SPDEF: variants seen among roughly 807,000 people sequenced by gnomAD.
SPDEF encodes the protein SAM pointed domain containing ETS transcription factor, also known as SAM pointed domain-containing Ets transcription factor.
A neutral mutation model predicts 36.0 loss-of-function variants in SPDEF; 12 were observed. That is an observed-to-expected ratio of 0.33 (90% CI 0.21 to 0.54). The LOEUF is 0.54. SPDEF is among the 20% of genes least tolerant of loss of function. SPDEF has a pLI of 0.93. For missense variants in SPDEF, 388 were observed against 456.9 expected (o/e 0.85, Z 1.37); for synonymous variants, 205 against 193.0 (o/e 1.06, Z -0.51).
rs1000839538 is a variant in SPDEF at position 34,555,329 on chromosome 6, CCA to C, written c.-30+598_-30+599del. On this transcript the variant is annotated intron_variant, in intron 1 of 5. Coordinates refer to ENST00000374037, the MANE Select transcript of SPDEF (RefSeq NM_012391.3). The surrounding 1 kb of genome is among the most constrained non-coding windows in gnomAD (Gnocchi z 5.2). ...CAGGACCCAAGGCTCTCAGCTTCCC[CCA>C]GTGTCCAAGGGCTCAGAGTGTGTGC... 2.0e-5 allele frequency among the ~76,000 whole-genome samples: 3 copies of C among 152,120 alleles called. No individual in the cohort carries two copies. The highest frequency in any genetic ancestry group is 4.4e-5 in the Non-Finnish European group (3 of 68,020).
At chr6:34,549,101 G>A (rs1056303891) in intron 1 of SPDEF, among the ~76,000 whole-genome samples, 2 of 152,214 alleles carry the variant, frequency 1.3e-5, no homozygotes, top group Admixed American at 6.5e-5. Flanking sequence ...CCAGTCCCAC[G>A]GGCTGCCGTC....
Position 34,544,084 on chromosome 6 carries a change from G to A in SPDEF, c.372C>T (p.Ser124=). ...LEEHSLEQVQ[S]MVVGEVLKDI... The stretch of plus-strand genomic sequence containing the variant: ...CCTTGAGCACTTCGCCCACCACCAT[G>A]GACTGCACCTGCTCCAGCGAGTGCT... The change falls in exon 2 of 6, where the codon TCC becomes TCT. Residue 124 remains serine, a synonymous_variant. Transcript: ENST00000374037. The surrounding 1 kb of genome is among the most constrained non-coding windows in gnomAD (Gnocchi z 4.4). 2 of 1,613,580 alleles carry A rather than the reference G, an allele frequency of 1.2e-6. No individual in the cohort carries two copies. Among genetic ancestry groups the A allele is most frequent in the Non-Finnish European group, 8.5e-7 (1 of 1,179,840 alleles).
rs1768091385 is a variant in SPDEF, at chr6:34,552,841, C to T, written c.-30+3088G>A. ...AGGGGTTATCAGGACCGGTTCCCAC[C>T]TGTGAAGTGTCAGCAGAGACACATC... On this transcript the variant is annotated intron_variant, in intron 1 of 5. Transcript: ENST00000374037. This position sits in a 1 kb window ranked among gnomAD's most constrained non-coding sequence, Gnocchi z 4.6. 6.6e-6 allele frequency among the ~76,000 whole-genome samples: 1 copy of T among 152,084 alleles called. No individual in the cohort carries two copies. The highest frequency in any genetic ancestry group is 2.1e-4 in the South Asian group (1 of 4,832).
At chr6:34,548,133 A>G (rs2127291376) in intron 1 of SPDEF, among the ~76,000 whole-genome samples, 1 of 152,286 alleles carries the variant, frequency 6.6e-6, no homozygotes, top group African/African-American at 2.4e-5. Flanking sequence ...GCTTTCACCC[A>G]CATCACCCGC....
Position 34,538,346 on chromosome 6 carries a change from A to G in SPDEF, c.936T>C (p.Tyr312=). 6.2e-7 allele frequency: 1 copy of G among 1,614,122 alleles called. No homozygotes were observed. Among genetic ancestry groups the G allele is most frequent in the Non-Finnish European group, 8.5e-7 (1 of 1,179,972 alleles). Residue 312 remains tyrosine, a synonymous_variant, in exon 6 of 6, where the codon TAT becomes TAC. Coordinates refer to ENST00000374037, the MANE Select transcript of SPDEF (RefSeq NM_012391.3). This position sits in a 1 kb window ranked among gnomAD's most constrained non-coding sequence, Gnocchi z 5.9. The part of the protein sequence containing the change: ...YDKLSRSIRQ[Y]YKKGIIRKPD... ...GCTTCCGGATGATGCCCTTCTTGTA[A>G]TACTGGCGGATGGAGCGGCTCAGCT... is the stretch of plus-strand genomic sequence containing the variant.
intron 1 of SPDEF, among the ~76,000 whole-genome samples, chr6:34,551,817 G>A (rs981276248): frequency 1.3e-4 from 20 of 152,168 alleles, no homozygotes; most frequent in East Asian, 1.9e-4. Context: ...GTGCCTCCCC[G>A]CCTCCTCCAG....
Position 34,539,615 on chromosome 6 carries a change from G to A in SPDEF, c.635-53C>T. On this transcript the variant is annotated intron_variant, in intron 3 of 5. Coordinates refer to ENST00000374037, the MANE Select transcript of SPDEF (RefSeq NM_012391.3). The surrounding 1 kb of genome is among the most constrained non-coding windows in gnomAD (Gnocchi z 5.2). The stretch of plus-strand genomic sequence containing the variant: ...ACCCAGGAGAGGCCCCGAGGGTGGA[G>A]GAGGGGAGGCGTTTGGGTGGGACTG... The A allele has an allele frequency of 1.3e-6, 2 of 1,545,088 alleles. No individual in the cohort carries two copies. The highest frequency in any genetic ancestry group is 1.7e-6 in the Non-Finnish European group (2 of 1,143,306).
intron 1 of SPDEF, among the ~76,000 whole-genome samples, chr6:34,547,160 T>C (rs577697455): frequency 7.2e-4 from 110 of 152,258 alleles, no homozygotes; most frequent in African/African-American, 2.5e-3. Context: ...CTCGCTTCCC[T>C]TGTGGCCCTC....
chr6:34,552,921 C>T lies in SPDEF; in HGVS notation c.-30+3008G>A, dbSNP rs1226065207. Among the ~76,000 whole-genome samples the T allele has an allele frequency of 2.6e-5, 4 of 152,156 alleles. No individual in the cohort carries two copies. Among genetic ancestry groups the T allele is most frequent in the Admixed American group, 2.0e-4 (3 of 15,292 alleles). On this transcript the variant is annotated intron_variant, in intron 1 of 5. Coordinates refer to ENST00000374037, the MANE Select transcript of SPDEF (RefSeq NM_012391.3). The surrounding 1 kb of genome is among the most constrained non-coding windows in gnomAD (Gnocchi z 4.6). Reference sequence around the variant, plus strand: ...TGGGGCAGGAGGAGCTAGGTCCCAGCAGCCCTCAAAGCAACTTGCTACCCC... The same window carrying T: ...TGGGGCAGGAGGAGCTAGGTCCCAGTAGCCCTCAAAGCAACTTGCTACCCC...
chr6:34,553,957 C>T (rs1768116965), intron 1 of SPDEF, among the ~76,000 whole-genome samples: 1 of 149,978 alleles, frequency 6.7e-6, no homozygotes, highest in South Asian at 2.1e-4. Flanking sequence ...AGGAGACCGG[C>T]TGGCAAATCC....
rs2233637 is a variant in SPDEF, at chr6:34,544,418, G to C, written c.38C>G (p.Pro13Arg). 0.026 allele frequency: 41,129 copies of C among 1,583,866 alleles called. 1,771 individuals are homozygous for C. The highest frequency in any genetic ancestry group is 0.16 in the African/African-American group (12,089 of 74,566). ...GTCGGGGGGCAGCAGGAGGTGGCTG[G>C]GGGATACGCTGCTCAGACCCGGGCT... ...SASPGLSSVS[P>R]SHLLLPPDTV... is the part of the protein sequence containing the mutation. The change falls in exon 2 of 6, where the codon CCC becomes CGC. Residue 13 changes from proline (P) to arginine (R), a missense_variant. By Grantham distance (103) the Pro-to-Arg change is moderately radical (BLOSUM62 -2). Coordinates refer to ENST00000374037, the MANE Select transcript of SPDEF (RefSeq NM_012391.3). The surrounding 1 kb of genome is among the most constrained non-coding windows in gnomAD (Gnocchi z 4.4).
intron 1 of SPDEF, among the ~76,000 whole-genome samples, chr6:34,546,516 C>A (rs955986475): frequency 1.3e-4 from 20 of 152,164 alleles, no homozygotes; most frequent in African/African-American, 4.8e-4. Flanking sequence ...TTCGGTAGGG[C>A]CACAGCTAGC....
intron 3 of SPDEF, among the ~76,000 whole-genome samples, chr6:34,540,658 A>T (rs1454658418): frequency 6.6e-6 from 1 of 152,152 alleles, no homozygotes; most frequent in Non-Finnish European, 1.5e-5. Context: ...AGAAAAACAA[A>T]CAAAATTTTA....
In SPDEF at chr6:34,555,778, A is replaced by G. The variant is rs1768153735; in HGVS notation, c.-30+151T>C. ...AGGGGGCAAGGAATTCTGAGGGTAA[A>G]GGGATCCAGGTCACAGGGTCACTGA... is the stretch of plus-strand genomic sequence containing the variant. On this transcript the variant is annotated intron_variant, in intron 1 of 5. Coordinates refer to ENST00000374037, the MANE Select transcript of SPDEF (RefSeq NM_012391.3). This position sits in a 1 kb window ranked among gnomAD's most constrained non-coding sequence, Gnocchi z 5.2. Among the ~76,000 whole-genome samples the G allele has an allele frequency of 6.6e-6, 1 of 152,142 alleles. No individual in the cohort carries two copies. The highest frequency in any genetic ancestry group is 2.1e-4 in the South Asian group (1 of 4,828).
chr6:34,539,111 C>CAT lies in SPDEF; in HGVS notation c.829+137_829+138dup, dbSNP rs1334166049. The stretch of plus-strand genomic sequence containing the variant: ...CCCCAGGGCTGTCCCATGAGAGCTG[C>CAT]ATATTTGGCATCTAGGACAAAGGTG... On this transcript the variant is annotated intron_variant, in intron 5 of 5. Transcript: ENST00000374037. This position sits in a 1 kb window ranked among gnomAD's most constrained non-coding sequence, Gnocchi z 5.2. The CAT allele has an allele frequency of 2.1e-6, 2 of 957,238 alleles. No individual in the cohort carries two copies. The highest frequency in any genetic ancestry group is 3.2e-6 in the Non-Finnish European group (2 of 630,878). 59.3% of individuals were successfully genotyped at this position (957,238 alleles called of 1,614,324 possible). A position where few individuals can be genotyped will look rare whatever the true frequency, so the allele number is the denominator to read the frequency against.
chr6:34,545,823 G>A (rs1767941287), intron 1 of SPDEF, among the ~76,000 whole-genome samples: 1 of 152,106 alleles, frequency 6.6e-6, no homozygotes, highest in South Asian at 2.1e-4. Context: ...GGCTGAGGGA[G>A]GAGAATCACT....
chr6:34,551,283 G>A (rs1768056793), intron 1 of SPDEF, among the ~76,000 whole-genome samples: 3 of 152,228 alleles, frequency 2.0e-5, no homozygotes, highest in South Asian at 4.1e-4. Flanking sequence ...ACAGGTGCCC[G>A]CAGCCTGGAG....
chr6:34,547,065 C>G (rs551635430), intron 1 of SPDEF, among the ~76,000 whole-genome samples: 1 of 151,026 alleles, frequency 6.6e-6, no homozygotes, highest in East Asian at 2.0e-4. Flanking sequence ...ATCCCCAGAG[C>G]CCCCATGCCT....
At chr6:34,540,584 C>T (rs1767796627) in intron 3 of SPDEF, among the ~76,000 whole-genome samples, 1 of 151,810 alleles carries the variant, frequency 6.6e-6, no homozygotes, top group South Asian at 2.1e-4. Flanking sequence ...CTACTTTTCA[C>T]TGTGGTCTAT....
Sources: gnomAD v4.1 joint callset for allele counts (sites outside exome capture counted in the v4.1 genomes callset) on GRCh38, gnomAD v4.1.1 for gene constraint, Gnocchi (gnomAD v3.1) non-coding constraint, MANE v1.5 for transcripts, NCBI Gene and HGNC (gene_info 2026-07-23, HGNC 2026-07-21) for gene names.